Variants in FCMR observed in about 807,000 individuals in gnomAD.
FCMR encodes immunoglobulin mu Fc receptor.
In FCMR, 34 loss-of-function variants were observed where a neutral mutation model predicts 41.6. That is an observed-to-expected ratio of 0.82 (90% CI 0.62 to 1.09). The LOEUF (loss-of-function observed/expected upper bound fraction) is 1.09, where lower values mean the gene tolerates loss of function less well. FCMR is among the 50% of genes least tolerant of loss of function. FCMR has a pLI of 0.00. For synonymous variants in FCMR, 209 were observed against 211.8 expected (o/e 0.99, Z 0.12); for missense variants, 496 against 512.5 (o/e 0.97, Z 0.31).
intron 1 of FCMR, among the ~76,000 whole-genome samples, chr1:206,916,398 C>G (rs959836627): frequency 1.3e-5 from 2 of 152,174 alleles, no homozygotes; most frequent in Non-Finnish European, 2.9e-5. Flanking sequence ...TTCCCAAGAG[C>G]AAGATGGTAC....
At chr1:206,912,719 A>T (rs900470149) in intron 3 of FCMR, among the ~76,000 whole-genome samples, 5 of 152,198 alleles carry the variant, frequency 3.3e-5, no homozygotes, top group Non-Finnish European at 7.3e-5. Flanking sequence ...TGCAGCTAGG[A>T]CCAGGGGACC....
chr1:206,913,820 G>T lies in FCMR; in HGVS notation c.312C>A (p.Cys104Ter). 1 of 1,614,190 alleles carries T rather than the reference G, an allele frequency of 6.2e-7. No individual in the cohort carries two copies. Among genetic ancestry groups the T allele is most frequent in the Non-Finnish European group, 8.5e-7 (1 of 1,180,020 alleles). The change falls in exon 2 of 8, where the codon TGC (cysteine) becomes TGA (stop). Residue 104 changes from cysteine to a stop codon, truncating the protein, a stop_gained. Transcript: ENST00000367091. LOFTEE classifies it high-confidence loss of function. ...CCCGGTCTGTGTTCATGCCCGCTCC[G>T]CAGGCATAGACTCCGCTGTCACTTT... ...LTESDSGVYA[C>*]GAGMNTDRGK... is the part of the protein sequence containing the mutation.
intron 1 of FCMR, among the ~76,000 whole-genome samples, chr1:206,919,544 C>T (rs1421023170): frequency 1.3e-5 from 2 of 152,184 alleles, no homozygotes. Context: ...TGCAGTGAGT[C>T]GTGATCACAC....
chr1:206,923,160 G>A (rs959338483), upstream of FCMR: 1 of 152,318 alleles, frequency 6.6e-6, no homozygotes, highest in Non-Finnish European at 1.5e-5. Context: ...GTTTCTGGGG[G>A]GATGTGCCTG....
At chr1:206,922,097 A>G, upstream of FCMR, 1 of 570,660 alleles carries the variant, frequency 1.8e-6, no homozygotes, top group Non-Finnish European at 3.1e-6. Flanking sequence ...TGTGTGGAGT[A>G]AGAAAGGGTC....
In FCMR at chr1:206,913,905, A is replaced by G; in HGVS notation, c.227T>C (p.Val76Ala). The G allele has an allele frequency of 6.2e-7, 1 of 1,614,124 alleles. No individual in the cohort carries two copies. The highest frequency in any genetic ancestry group is 8.5e-7 in the Non-Finnish European group (1 of 1,180,012). ...NFIKAEYKGR[V>A]TLKQYPRKNL... is the part of the protein sequence containing the mutation. ...CTTGCGTGGGTATTGCTTCAGAGTAACTCGGCCCTTGTATTCTGCCTTGAT... is the reference window on the plus strand; with the variant it reads ...CTTGCGTGGGTATTGCTTCAGAGTAGCTCGGCCCTTGTATTCTGCCTTGAT... Residue 76 changes from valine (V) to alanine (A), a missense_variant, in exon 2 of 8, where the codon GTT becomes GCT. By Grantham distance (64) the Val-to-Ala change is moderately conservative. Coordinates refer to ENST00000367091, the MANE Select transcript of FCMR (RefSeq NM_005449.5).
intron 3 of FCMR, 69 bp downstream of exon 3, chr1:206,912,860 C>A: frequency 9.4e-7 from 1 of 1,060,238 alleles, no homozygotes; most frequent in South Asian, 1.3e-5. Context: ...GAACATAGAC[C>A]CCCTCCTCCA....
chr1:206,907,103 T>TGGGGGGGGGGGGGGGGGGGGGGGGGGGG (rs75679471), intron 7 of FCMR, among the ~76,000 whole-genome samples: 1 of 43,358 alleles, frequency 2.3e-5, no homozygotes, highest in African/African-American at 8.4e-5. Flanking sequence ...GGTGGGGGGG[T>TGGGGGGGGGGGGGGGGGGGGGGGGGGGG]GGGGGGGGGG....
Position 206,904,932 on chromosome 1 carries a change from A to T in FCMR, c.*87T>A. 1 of 1,368,258 alleles carries T rather than the reference A, an allele frequency of 7.3e-7. No homozygotes were observed. Among genetic ancestry groups the T allele is most frequent in the East Asian group, 2.3e-5 (1 of 43,604 alleles). The allele number at this position is 1,368,258 out of a possible 1,614,324, so 84.8% of individuals were successfully genotyped here. On this transcript the variant is annotated 3_prime_UTR_variant, in exon 8 of 8. Coordinates refer to ENST00000367091, the MANE Select transcript of FCMR (RefSeq NM_005449.5). ...GAAGTGATGAGGGCTCTGAGAACAC[A>T]TGAAGCAGGTATTGGACATCAGCAG... is the stretch of plus-strand genomic sequence containing the variant.
chr1:206,915,565 T>A (rs1343242699), intron 1 of FCMR, among the ~76,000 whole-genome samples: 1 of 152,298 alleles, frequency 6.6e-6, no homozygotes, highest in Non-Finnish European at 1.5e-5. Context: ...CTAATGCACT[T>A]GAGCCAGCTA....
upstream of FCMR, chr1:206,922,024 T>C: frequency 1.6e-6 from 1 of 637,844 alleles, no homozygotes; most frequent in African/African-American, 1.8e-5. Flanking sequence ...TTGCTAACTA[T>C]TCTCAGGCTA....
chr1:206,914,753 A>C (rs960904554), intron 1 of FCMR, among the ~76,000 whole-genome samples: 1 of 151,814 alleles, frequency 6.6e-6, no homozygotes, highest in Non-Finnish European at 1.5e-5. Flanking sequence ...CTTAGTCTCA[A>C]CTTCAGCCTC....
At position 206,904,466 on chromosome 1, in the gene FCMR, A is replaced by C. The variant is rs1309129104; in HGVS notation, c.*553T>G. 1 of 155,396 alleles carries C rather than the reference A, an allele frequency of 6.4e-6. No individual in the cohort carries two copies. The highest frequency in any genetic ancestry group is 6.2e-5 in the Admixed American group (1 of 16,156). The allele number at this position is 155,396 out of a possible 1,614,324, so 9.6% of individuals were successfully genotyped here. On this transcript the variant is annotated 3_prime_UTR_variant, in exon 8 of 8. Coordinates refer to ENST00000367091, the MANE Select transcript of FCMR (RefSeq NM_005449.5). ...TGCCTTTAGCATAGAACTTGAGATAAGTAGACGTTCACTAGCAAGTGCTAA... is the reference window on the plus strand; with the variant it reads ...TGCCTTTAGCATAGAACTTGAGATACGTAGACGTTCACTAGCAAGTGCTAA...
At chr1:206,915,668 G>A (rs1296510671) in intron 1 of FCMR, among the ~76,000 whole-genome samples, 1 of 152,196 alleles carries the variant, frequency 6.6e-6, no homozygotes, top group African/African-American at 2.4e-5. Flanking sequence ...ATAGGGTAAA[G>A]TTGTGTGTGT....
At chr1:206,908,046 C>G (rs901569124) in intron 7 of FCMR, 5 of 1,211,174 alleles carry the variant, frequency 4.1e-6, no homozygotes, top group Non-Finnish European at 6.0e-6. Context: ...GCCTGGCTCA[C>G]GATGGTGGCT....
At chr1:206,914,185 C>G in intron 1 of FCMR, 91 bp from the exon 2 acceptor site, 3 of 999,156 alleles carry the variant, frequency 3.0e-6, no homozygotes, top group Non-Finnish European at 4.5e-6. Flanking sequence ...TCTCTCCAAC[C>G]CTAGCCCAGG....
intron 4 of FCMR, among the ~76,000 whole-genome samples, chr1:206,910,594 C>T (rs1678896678): frequency 6.6e-6 from 1 of 152,282 alleles, no homozygotes; most frequent in African/African-American, 2.4e-5. Context: ...CTTATCTCTC[C>T]ATAAATAGGT....
intron 1 of FCMR, among the ~76,000 whole-genome samples, chr1:206,919,607 G>C (rs981435321): frequency 1.3e-5 from 2 of 152,030 alleles, no homozygotes; most frequent in Non-Finnish European, 2.9e-5. Flanking sequence ...AAAAAAAAGT[G>C]GGATTAGGTG....
At chr1:206,906,829 G>A (rs1310631723) in intron 7 of FCMR, among the ~76,000 whole-genome samples, 3 of 151,944 alleles carry the variant, frequency 2.0e-5, no homozygotes, top group Non-Finnish European at 2.9e-5. Context: ...GACAGACAGT[G>A]TGGCGCCTGT....
Sources: allele counts gnomAD v4.1 joint callset (sites outside exome capture counted in the v4.1 genomes callset), GRCh38; gene constraint gnomAD v4.1.1; transcripts MANE v1.5; gene names NCBI Gene and HGNC (gene_info 2026-07-23, HGNC 2026-07-21).